Variants in TMEM108 observed in about 807,000 individuals in gnomAD.
TMEM108 encodes the protein cancer/testis antigen 124.
A neutral mutation model predicts 35.1 loss-of-function variants in TMEM108; 12 were observed. That is an observed-to-expected ratio of 0.34 (90% CI 0.22 to 0.55). TMEM108 has a LOEUF of 0.55. TMEM108 is among the 20% of genes least tolerant of loss of function. The pLI, the probability that TMEM108 is intolerant of heterozygous loss-of-function variation, is 0.89. For synonymous variants in TMEM108, 287 were observed against 308.6 expected, an observed-to-expected ratio of 0.93 and a Z score of 0.73; for missense variants, 680 against 753.3, an observed-to-expected ratio of 0.90 and a Z score of 1.14.
chr3:133,366,468 A>G (rs2072502652), intron 3 of TMEM108, among the ~76,000 whole-genome samples: 1 of 152,224 alleles, frequency 6.6e-6, no homozygotes, highest in Admixed American at 6.5e-5. Flanking sequence ...AAGCCTTCCC[A>G]GGTTCCTCCA....
At chr3:133,174,036 G>C (rs143973748) in intron 2 of TMEM108, among the ~76,000 whole-genome samples, 1 of 152,212 alleles carries the variant, frequency 6.6e-6, no homozygotes, top group Non-Finnish European at 1.5e-5. Context: ...ATTATATCCC[G>C]CTCCTGGCTC....
chr3:133,300,840 G>A (rs1947212116), intron 3 of TMEM108, among the ~76,000 whole-genome samples: 1 of 151,960 alleles, frequency 6.6e-6, no homozygotes, highest in Admixed American at 6.6e-5. Context: ...CATCAAAGGT[G>A]TGCTTGCAGA....
At chr3:133,298,384 G>A (rs1947174674) in intron 3 of TMEM108, among the ~76,000 whole-genome samples, 1 of 152,120 alleles carries the variant, frequency 6.6e-6, no homozygotes, top group African/African-American at 2.4e-5. Flanking sequence ...AATACAGAAT[G>A]TCTGGAAAGC....
At chr3:133,350,290 G>A (rs1426716002) in intron 3 of TMEM108, among the ~76,000 whole-genome samples, 4 of 152,126 alleles carry the variant, frequency 2.6e-5, no homozygotes, top group Admixed American at 6.6e-5. Flanking sequence ...AGGGGAGGAA[G>A]GAGAGAATGG....
At chr3:133,056,677 G>T (rs1039368299) in intron 2 of TMEM108, among the ~76,000 whole-genome samples, 1 of 152,080 alleles carries the variant, frequency 6.6e-6, no homozygotes, top group African/African-American at 2.4e-5. Context: ...ATCTTCCTTT[G>T]ATAGGACCTA....
intron 3 of TMEM108, chr3:133,246,269 T>C (rs1427873807): frequency 2.0e-5 from 3 of 152,188 alleles, no homozygotes; most frequent in African/African-American, 7.2e-5. Flanking sequence ...AGTTTTGAAG[T>C]TCCTTAGCCC....
chr3:133,376,062 G>A (rs1296945430), intron 3 of TMEM108, among the ~76,000 whole-genome samples: 1 of 152,176 alleles, frequency 6.6e-6, no homozygotes, highest in Non-Finnish European at 1.5e-5. Context: ...TAACTTCAGG[G>A]GATGCTGATA....
chr3:133,239,727 G>A (rs573494728), intron 3 of TMEM108, among the ~76,000 whole-genome samples: 2 of 152,152 alleles, frequency 1.3e-5, no homozygotes, highest in South Asian at 2.1e-4. Context: ...CTTGAGAATC[G>A]CTATTGTAGA....
chr3:133,175,208 C>T (rs943090266), intron 2 of TMEM108, among the ~76,000 whole-genome samples: 12 of 152,050 alleles, frequency 7.9e-5, no homozygotes, highest in African/African-American at 2.7e-4. Context: ...GATTGGTGTA[C>T]CTGAAAGTGA....
At chr3:133,277,413 T>A (rs1946853578) in intron 3 of TMEM108, among the ~76,000 whole-genome samples, 1 of 152,246 alleles carries the variant, frequency 6.6e-6, no homozygotes, top group African/African-American at 2.4e-5. Context: ...TATTATACTA[T>A]TCTTGTAACT....
At chr3:133,211,964 A>G (rs77380276) in intron 2 of TMEM108, among the ~76,000 whole-genome samples, 7,301 of 152,276 alleles carry the variant, frequency 0.048, 559 homozygotes, top group African/African-American at 0.16. Flanking sequence ...ATGAAAGAGA[A>G]GAGCAGAAAG....
intron 2 of TMEM108, among the ~76,000 whole-genome samples, chr3:133,212,745 A>C (rs1382494117): frequency 6.6e-6 from 1 of 151,930 alleles, no homozygotes; most frequent in Non-Finnish European, 1.5e-5. Flanking sequence ...GCATGCCTGG[A>C]ATCCCAGCTA....
chr3:133,067,998 CAG>C (rs992793268), intron 2 of TMEM108, among the ~76,000 whole-genome samples: 14 of 151,824 alleles, frequency 9.2e-5, no homozygotes, highest in Admixed American at 7.9e-4. Flanking sequence ...GCACATAAGA[CAG>C]AGGGGAAATC....
chr3:133,086,545 T>C (rs1943884129), intron 2 of TMEM108, among the ~76,000 whole-genome samples: 1 of 152,330 alleles, frequency 6.6e-6, no homozygotes, highest in East Asian at 1.9e-4. Flanking sequence ...AAAATAATTG[T>C]ACAGTTTAAT....
intron 3 of TMEM108, among the ~76,000 whole-genome samples, chr3:133,361,365 TG>T (rs1455232321): frequency 6.6e-6 from 1 of 152,248 alleles, no homozygotes; most frequent in African/African-American, 2.4e-5. Flanking sequence ...TCCATTTGTA[TG>T]TTTCCTCATC....
chr3:133,066,433 A>G (rs1943608055), intron 2 of TMEM108, among the ~76,000 whole-genome samples: 1 of 152,206 alleles, frequency 6.6e-6, no homozygotes, highest in Non-Finnish European at 1.5e-5. Flanking sequence ...AATAGAAGAA[A>G]TAAGAAAAAA....
At position 133,296,931 on chromosome 3, in the gene TMEM108, A is replaced by G. The variant is rs149510546; in HGVS notation, c.40+67580A>G. ...AATGATAGCCCCCCTAGTGATATCAACTATCCCCACTTTCTTAATGGTTGG... is the reference window on the plus strand; with the variant it reads ...AATGATAGCCCCCCTAGTGATATCAGCTATCCCCACTTTCTTAATGGTTGG... On this transcript the variant is annotated intron_variant, in intron 3 of 5. Coordinates refer to ENST00000321871, the MANE Select transcript of TMEM108 (RefSeq NM_023943.4). Among the ~76,000 whole-genome samples, 4 of 152,308 alleles carry G rather than the reference A, an allele frequency of 2.6e-5. No homozygotes were observed. The East Asian group carries it at 7.7e-4, about 29-fold the overall frequency.
intron 3 of TMEM108, among the ~76,000 whole-genome samples, chr3:133,259,998 G>A (rs1946602008): frequency 6.6e-6 from 1 of 152,202 alleles, no homozygotes; most frequent in Non-Finnish European, 1.5e-5. Context: ...GTAAGAACTG[G>A]TTTTATAGGC....
chr3:133,231,993 G>A (rs1034076977), intron 3 of TMEM108, among the ~76,000 whole-genome samples: 1 of 152,060 alleles, frequency 6.6e-6, no homozygotes, highest in African/African-American at 2.4e-5. Flanking sequence ...CTGCATATGT[G>A]CCCTTTTCTT....
Sources: gnomAD v4.1 joint callset for allele counts (sites outside exome capture counted in the v4.1 genomes callset) on GRCh38, gnomAD v4.1.1 for gene constraint, MANE v1.5 for transcripts, NCBI Gene and HGNC (gene_info 2026-07-23, HGNC 2026-07-21) for gene names.